Variants in TRAPPC9 observed in about 807,000 individuals in gnomAD.
The protein encoded by TRAPPC9 is trafficking protein particle complex subunit 9.
TRAPPC9 carries 83 observed loss-of-function variants against 124.0 expected under a neutral mutation model. The ratio of observed to expected loss-of-function variants is 0.67; its 90% confidence interval spans 0.56 to 0.80. The LOEUF (loss-of-function observed/expected upper bound fraction) is 0.80, where lower values mean the gene tolerates loss of function less well. Among genes scored for constraint, TRAPPC9 ranks in the 30% least tolerant of loss-of-function variants. TRAPPC9 has a pLI of 0.00. For missense variants in TRAPPC9, 1,302 were observed against 1,508.3 expected (o/e 0.86, Z 2.27); for synonymous variants, 638 against 617.5 (o/e 1.03, Z -0.49).
chr8:140,405,749 T>C (rs757577380), intron 5 of TRAPPC9, 51 bp from the exon 6 acceptor site: 2 of 1,610,026 alleles, frequency 1.2e-6, no homozygotes, highest in Non-Finnish European at 1.7e-6. Context: ...TTCTGTATTA[T>C]TTCTTTGTTA....
At chr8:140,115,745 T>C (rs942964068) in intron 17 of TRAPPC9, among the ~76,000 whole-genome samples, 1 of 152,018 alleles carries the variant, frequency 6.6e-6, no homozygotes, top group Admixed American at 6.6e-5. Flanking sequence ...GGGGAGAGCA[T>C]ACAGCCTTTG....
At chr8:139,859,963 A>C (rs1333319804) in intron 21 of TRAPPC9, among the ~76,000 whole-genome samples, 1 of 152,276 alleles carries the variant, frequency 6.6e-6, no homozygotes, top group African/African-American at 2.4e-5. Context: ...AGGAACTCAC[A>C]GTCATAAAAT....
chr8:140,094,043 G>A (rs958504113), intron 17 of TRAPPC9, among the ~76,000 whole-genome samples: 5 of 152,152 alleles, frequency 3.3e-5, no homozygotes, highest in Non-Finnish European at 7.3e-5. Flanking sequence ...AGCTGAGGAG[G>A]TCATGAGAGC....
chr8:140,176,999 T>C (rs2062085379), intron 17 of TRAPPC9, among the ~76,000 whole-genome samples: 1 of 152,246 alleles, frequency 6.6e-6, no homozygotes, highest in South Asian at 2.1e-4. Context: ...AATCTAGTTA[T>C]TTGTCTTACT....
intron 22 of TRAPPC9, 47 bp downstream of exon 22, chr8:139,731,931 GA>G: frequency 6.6e-7 from 1 of 1,523,288 alleles, no homozygotes; most frequent in South Asian, 1.2e-5. Flanking sequence ...GGGGGATGAT[GA>G]CCACATGGCC....
At chr8:140,145,856 TTTC>T (rs10559716) in intron 17 of TRAPPC9, among the ~76,000 whole-genome samples, 69,524 of 151,628 alleles carry the variant, frequency 0.46, 16,002 homozygotes, top group Middle Eastern at 0.52. Context: ...TATTTTTTAT[TTTC>T]TTCCTTCACA....
intron 17 of TRAPPC9, among the ~76,000 whole-genome samples, chr8:140,147,088 C>T (rs1287068162): frequency 2.0e-5 from 3 of 152,090 alleles, no homozygotes; most frequent in African/African-American, 7.2e-5. Context: ...TTATTGCCTC[C>T]TCTCATTTTC....
chr8:140,188,078 A>T (rs1391749053), intron 17 of TRAPPC9, among the ~76,000 whole-genome samples: 1 of 152,218 alleles, frequency 6.6e-6, no homozygotes, highest in Admixed American at 6.5e-5. Flanking sequence ...AGGAGCAGCC[A>T]AGAAAATAGT....
chr8:140,097,319 C>T lies in TRAPPC9; in HGVS notation c.2557-73240G>A, dbSNP rs1277181926. 1 of 152,380 alleles carries T rather than the reference C, an allele frequency of 6.6e-6. No individual in the cohort carries two copies. The highest frequency in any genetic ancestry group is 6.5e-5 in the Admixed American group (1 of 15,286). 9.4% of individuals were successfully genotyped at this position (152,380 alleles called of 1,614,324 possible). On this transcript the variant is annotated intron_variant, in intron 17 of 22. Coordinates refer to ENST00000438773, the MANE Select transcript of TRAPPC9 (RefSeq NM_001160372.4). The surrounding 1 kb of genome is among the most constrained non-coding windows in gnomAD (Gnocchi z 4.2). Reference sequence around the variant, plus strand: ...GGTCCACAGGATGAGACGGCTCACCCGAGTCCGCCATGCGCAGCCCTGCCA... The same window carrying T: ...GGTCCACAGGATGAGACGGCTCACCTGAGTCCGCCATGCGCAGCCCTGCCA...
chr8:140,278,837 T>C (rs562985651), intron 14 of TRAPPC9, among the ~76,000 whole-genome samples: 1 of 152,378 alleles, frequency 6.6e-6, no homozygotes, highest in African/African-American at 2.4e-5. Context: ...TCTGCTCCTC[T>C]GCGCGTCTCC....
chr8:140,308,287 G>A (rs2066193022), intron 10 of TRAPPC9, among the ~76,000 whole-genome samples: 1 of 151,538 alleles, frequency 6.6e-6, no homozygotes, highest in African/African-American at 2.4e-5. Flanking sequence ...GCCATGCAAA[G>A]CAAGTACATT....
chr8:140,311,209 A>T, intron 10 of TRAPPC9, 39 bp downstream of exon 10: 1 of 1,604,938 alleles, frequency 6.2e-7, no homozygotes, highest in African/African-American at 1.3e-5. Context: ...GGTGTCCCAG[A>T]GGGCAGCTGC....
chr8:140,272,136 T>TGGC (rs1315486359), intron 15 of TRAPPC9, among the ~76,000 whole-genome samples: 2 of 149,940 alleles, frequency 1.3e-5, no homozygotes, highest in Non-Finnish European at 3.0e-5. Flanking sequence ...GTGGCGATGG[T>TGGC]GATGGTGATG....
chr8:140,277,424 C>G (rs1270799320), intron 14 of TRAPPC9, among the ~76,000 whole-genome samples: 1 of 152,276 alleles, frequency 6.6e-6, no homozygotes, highest in Non-Finnish European at 1.5e-5. Flanking sequence ...TCCCACCTTT[C>G]AGCAGGCAGC....
chr8:140,316,536 C>T (rs530712956), intron 9 of TRAPPC9, among the ~76,000 whole-genome samples: 4 of 152,228 alleles, frequency 2.6e-5, no homozygotes, highest in East Asian at 1.9e-4. Flanking sequence ...TTCTTCATTC[C>T]GTTAATGTGA....
chr8:140,223,876 C>T (rs930850408), intron 16 of TRAPPC9, among the ~76,000 whole-genome samples: 2 of 152,178 alleles, frequency 1.3e-5, no homozygotes, highest in African/African-American at 4.8e-5. Flanking sequence ...TACTTAGAGG[C>T]TTCAAATCTT....
chr8:140,213,020 G>A (rs2063099280), intron 17 of TRAPPC9, among the ~76,000 whole-genome samples: 1 of 150,746 alleles, frequency 6.6e-6, no homozygotes, highest in Non-Finnish European at 1.5e-5. Context: ...AGTGAGCCAA[G>A]ATCGTGCCAC....
At chr8:139,847,142 A>G (rs1469184698) in intron 21 of TRAPPC9, among the ~76,000 whole-genome samples, 1 of 152,216 alleles carries the variant, frequency 6.6e-6, no homozygotes, top group Non-Finnish European at 1.5e-5. Flanking sequence ...GCAAGACCAT[A>G]AGAAGCAGAT....
At chr8:139,916,039 G>A (rs191168065) in intron 19 of TRAPPC9, among the ~76,000 whole-genome samples, 75 of 152,290 alleles carry the variant, frequency 4.9e-4, no homozygotes, top group Non-Finnish European at 9.7e-4. Context: ...AATCTTCCAA[G>A]GCAGGACTTC....
Sources: gnomAD v4.1 joint callset for allele counts (sites outside exome capture counted in the v4.1 genomes callset) on GRCh38, gnomAD v4.1.1 for gene constraint, Gnocchi (gnomAD v3.1) non-coding constraint, MANE v1.5 for transcripts, NCBI Gene and HGNC (gene_info 2026-07-23, HGNC 2026-07-21) for gene names.